GNAS: variants seen among roughly 807,000 people sequenced by gnomAD.
The protein encoded by GNAS is GNAS complex locus.
GNAS carries 8 observed loss-of-function variants against 54.5 expected under a neutral mutation model. That is an observed-to-expected ratio of 0.15 (90% confidence interval 0.09 to 0.26). The LOEUF (loss-of-function observed/expected upper bound fraction) is 0.26. GNAS is among the 10% of genes least tolerant of loss of function. The pLI, the probability that GNAS is intolerant of heterozygous loss-of-function variation, is 1.00. For synonymous variants in GNAS, 204 were observed against 191.4 expected (o/e 1.07, Z -0.54); for missense variants, 170 against 529.8 (o/e 0.32, Z 6.67).
chr20:58,888,432 A>G (rs1463050903), upstream of GNAS: 1 of 152,066 alleles, frequency 6.6e-6, no homozygotes, highest in Admixed American at 6.5e-5. Context: ...AAATTTAGTA[A>G]CCCTGCTCCT....
In GNAS at chr20:58,841,962, G is replaced by A; in HGVS notation, c.43+1076G>A. 1.8e-6 allele frequency: 2 copies of A among 1,112,556 alleles called. No individual in the cohort carries two copies. The highest frequency in any genetic ancestry group is 2.3e-6 in the Non-Finnish European group (2 of 879,042). 68.9% of individuals were successfully genotyped at this position (1,112,556 alleles called of 1,614,324 possible). The stretch of plus-strand genomic sequence containing the variant: ...AATTCGTTTCCAAAGAGCGCGGTAC[G>A]CGCAGAGCTGGGGAAAGGTGTTGGA... On this transcript the variant is annotated intron_variant, in intron 1 of 12. Transcript: ENST00000306090. The surrounding 1 kb of genome is among the most constrained non-coding windows in gnomAD (Gnocchi z 5.0).
chr20:58,906,114 G>A (rs546589504), intron 6 of GNAS, among the ~76,000 whole-genome samples: 2 of 152,286 alleles, frequency 1.3e-5, no homozygotes, highest in South Asian at 2.1e-4. Flanking sequence ...ATCCTAAACT[G>A]TACACCTAAG....
At chr20:58,889,686 G>A (rs2088934284), upstream of GNAS, 1 of 151,408 alleles carries the variant, frequency 6.6e-6, no homozygotes, top group African/African-American at 2.4e-5. Flanking sequence ...ATCCTTTTTG[G>A]CGCTAACTCT....
intron 1 of GNAS, among the ~76,000 whole-genome samples, chr20:58,893,007 A>G (rs1441368812): frequency 6.6e-6 from 1 of 151,490 alleles, no homozygotes. Flanking sequence ...CAAATCAGAT[A>G]AAACTGGAGA....
At chr20:58,889,355 T>C (rs1686617484), upstream of GNAS, 3 of 984,044 alleles carry the variant, frequency 3.0e-6, no homozygotes, top group South Asian at 1.4e-4. Context: ...CACTCACATG[T>C]AAGTCGGGGA....
intron 1 of GNAS, among the ~76,000 whole-genome samples, chr20:58,865,532 T>C (rs2087012610): frequency 7.0e-6 from 1 of 143,766 alleles, no homozygotes; most frequent in African/African-American, 2.7e-5. Context: ...ATATCATCTA[T>C]AATATAAAAT....
intron 1 of GNAS, among the ~76,000 whole-genome samples, chr20:58,870,098 T>C (rs1432057105): frequency 1.3e-5 from 2 of 152,252 alleles, no homozygotes; most frequent in Non-Finnish European, 2.9e-5. Context: ...TATTTCTTTC[T>C]GATCAAATTT....
intron 1 of GNAS, chr20:58,855,679 C>A (rs1476149716): frequency 1.5e-6 from 1 of 683,568 alleles, no homozygotes; most frequent in South Asian, 1.6e-5. Flanking sequence ...GGCCCCGGGG[C>A]CCCGGGACTC....
intron 1 of GNAS, chr20:58,854,216 G>A (rs1022332401): frequency 1.9e-6 from 3 of 1,613,070 alleles, no homozygotes; most frequent in Non-Finnish European, 2.5e-6. Context: ...CCCCCGCTGG[G>A]GTCGACGACA....
intron 1 of GNAS, among the ~76,000 whole-genome samples, chr20:58,883,908 G>T (rs1180519491): frequency 1.3e-5 from 2 of 152,180 alleles, no homozygotes; most frequent in Non-Finnish European, 2.9e-5. Flanking sequence ...GGAGCTAAGC[G>T]GTAATTACAC....
At chr20:58,895,718 T>C in intron 2 of GNAS, 34 bp downstream of exon 2, 1 of 1,213,964 alleles carries the variant, frequency 8.2e-7, no homozygotes, top group Middle Eastern at 1.9e-4. Flanking sequence ...GGGCACCAAG[T>C]AAGAGGAACA....
chr20:58,902,094 A>G (rs2090664746), intron 3 of GNAS, among the ~76,000 whole-genome samples: 1 of 143,440 alleles, frequency 7.0e-6, no homozygotes, highest in Non-Finnish European at 1.5e-5. Flanking sequence ...TGTCCCCTCC[A>G]TCTCCCATTG....
intron 1 of GNAS, among the ~76,000 whole-genome samples, chr20:58,893,213 TTTTC>T (rs1434245346): frequency 3.3e-5 from 5 of 151,640 alleles, no homozygotes; most frequent in Non-Finnish European, 7.4e-5. Flanking sequence ...TGGTTTTGGG[TTTTC>T]TTTTTTTGAT....
chr20:58,841,961 C>G lies in GNAS; in HGVS notation c.43+1075C>G, dbSNP rs1600662069. The G allele has an allele frequency of 1.8e-6, 2 of 1,116,242 alleles. No individual in the cohort carries two copies. The highest frequency in any genetic ancestry group is 4.5e-5 in the South Asian group (1 of 22,082). 69.1% of individuals were successfully genotyped at this position (1,116,242 alleles called of 1,614,324 possible). ...CAATTCGTTTCCAAAGAGCGCGGTA[C>G]GCGCAGAGCTGGGGAAAGGTGTTGG... On this transcript the variant is annotated intron_variant, in intron 1 of 12. Coordinates refer to the GNAS transcript ENST00000306090. This position sits in a 1 kb window ranked among gnomAD's most constrained non-coding sequence, Gnocchi z 5.0.
In GNAS at chr20:58,891,744, C is replaced by A; in HGVS notation, c.18C>A (p.Asn6Lys). Reference sequence around the variant, plus strand: ...CCGCCGCCATGGGCTGCCTCGGGAACAGTAAGACCGAGGACCAGCGCAACG... The same window carrying A: ...CCGCCGCCATGGGCTGCCTCGGGAAAAGTAAGACCGAGGACCAGCGCAACG... MGCLG[N>K]SKTEDQRNEE... Residue 6 changes from asparagine to lysine, a missense_variant, in exon 1 of 13, where the codon AAC (asparagine) becomes AAA (lysine). Asn to Lys is a moderately conservative substitution (Grantham distance 94, BLOSUM62 0). Coordinates refer to ENST00000371085, the MANE Select transcript of GNAS (RefSeq NM_000516.7). 1 of 1,228,688 alleles carries A rather than the reference C, an allele frequency of 8.1e-7. No homozygotes were observed. The allele number at this position is 1,228,688 out of a possible 1,614,324, so 76.1% of individuals were successfully genotyped here. A position where few individuals can be genotyped will look rare whatever the true frequency, so the allele number is the denominator to read the frequency against.
At chr20:58,840,145 T>A, upstream of GNAS, 1 of 1,611,442 alleles carries the variant, frequency 6.2e-7, no homozygotes, top group Middle Eastern at 1.7e-4. The surrounding 1 kb of genome is among the most constrained non-coding windows in gnomAD (Gnocchi z 6.0). Flanking sequence ...GGCGCCGAGC[T>A]CGCCATAATT....
At chr20:58,908,945 A>C (rs917452435) in intron 6 of GNAS, 3 of 679,342 alleles carry the variant, frequency 4.4e-6, no homozygotes, top group Non-Finnish European at 8.1e-6. Flanking sequence ...TGATTCCTAA[A>C]ATTATTTATC....
upstream of GNAS, among the ~76,000 whole-genome samples, chr20:58,886,595 A>G (rs540787722): frequency 3.3e-5 from 5 of 152,240 alleles, 1 homozygote; most frequent in South Asian, 1.0e-3. Context: ...AACAGTAATG[A>G]TCAATTAAAT....
intron 3 of GNAS, among the ~76,000 whole-genome samples, chr20:58,901,052 C>T (rs2090555908): frequency 6.6e-6 from 1 of 152,206 alleles, no homozygotes; most frequent in Admixed American, 6.5e-5. Flanking sequence ...AATACTTTCT[C>T]TTGCTGTATG....
Sources: gnomAD v4.1 joint callset for allele counts (sites outside exome capture counted in the v4.1 genomes callset) on GRCh38, gnomAD v4.1.1 for gene constraint, Gnocchi (gnomAD v3.1) non-coding constraint, MANE v1.5 for transcripts, NCBI Gene and HGNC (gene_info 2026-07-23, HGNC 2026-07-21) for gene names.